MECOM: variants seen among roughly 807,000 people sequenced by gnomAD.
MECOM encodes histone-lysine N-methyltransferase MECOM.
MECOM carries 13 observed loss-of-function variants against 116.3 expected under a neutral mutation model. The observed-to-expected ratio is 0.11, with a 90% confidence interval of 0.07 to 0.18. The LOEUF is 0.18. Ranked by LOEUF, MECOM falls within the 10% of genes least tolerant of loss-of-function variation. The probability of loss-of-function intolerance (pLI) is 1.00; values close to 1 mark genes in which losing one functional copy is unlikely to be tolerated. For synonymous variants in MECOM, 528 were observed against 535.2 expected (o/e 0.99, Z 0.19); for missense variants, 1,299 against 1,509.0 (o/e 0.86, Z 2.31).
chr3:169,110,364 C>T (rs1353964205), intron 9 of MECOM, among the ~76,000 whole-genome samples: 2 of 152,170 alleles, frequency 1.3e-5, no homozygotes, highest in South Asian at 4.1e-4. Flanking sequence ...GGTCCTTCCA[C>T]ATGCCAAGCA....
intron 1 of MECOM, among the ~76,000 whole-genome samples, chr3:169,474,312 A>T (rs1750010186): frequency 6.6e-6 from 1 of 152,164 alleles, no homozygotes; most frequent in South Asian, 2.1e-4. Context: ...TTCCAGCCTA[A>T]TGCTCCATAC....
intron 1 of MECOM, among the ~76,000 whole-genome samples, chr3:169,487,169 T>G (rs1752482030): frequency 6.6e-6 from 1 of 152,100 alleles, no homozygotes; most frequent in Non-Finnish European, 1.5e-5. Context: ...AAAACATTAC[T>G]AAAATTAATC....
intron 1 of MECOM, among the ~76,000 whole-genome samples, chr3:169,542,006 T>G (rs1412753430): frequency 6.6e-6 from 1 of 152,196 alleles, no homozygotes; most frequent in African/African-American, 2.4e-5. Context: ...CTTGTATTAC[T>G]AGAAGGATTA....
At chr3:169,086,205 C>T (rs903105970) in intron 16 of MECOM, among the ~76,000 whole-genome samples, 4 of 152,176 alleles carry the variant, frequency 2.6e-5, no homozygotes, top group Non-Finnish European at 5.9e-5. Context: ...TGGACTTCTA[C>T]AATATCTCAT....
At chr3:169,085,689 CAAACA>C (rs1717475824) in intron 16 of MECOM, among the ~76,000 whole-genome samples, 1 of 152,090 alleles carries the variant, frequency 6.6e-6, no homozygotes, top group Admixed American at 6.6e-5. Flanking sequence ...AAAATAAAAC[CAAACA>C]CAAGACCCAA....
intron 5 of MECOM, among the ~76,000 whole-genome samples, chr3:169,124,743 A>G (rs532281110): frequency 4.6e-5 from 7 of 152,240 alleles, no homozygotes; most frequent in Non-Finnish European, 5.9e-5. Context: ...AACATATGGG[A>G]TTTTAAAAAT....
chr3:169,100,103 T>C (rs1343489615), intron 12 of MECOM, among the ~76,000 whole-genome samples: 11 of 139,682 alleles, frequency 7.9e-5, no homozygotes, highest in Admixed American at 4.2e-4. Flanking sequence ...CTTTCTTTCT[T>C]TTTTTTTTTT....
intron 2 of MECOM, among the ~76,000 whole-genome samples, chr3:169,180,727 A>G (rs1051679829): frequency 2.7e-5 from 4 of 147,164 alleles, no homozygotes; most frequent in Non-Finnish European, 6.0e-5. Flanking sequence ...GTATATCTCA[A>G]AAAGGGAAGG....
intron 1 of MECOM, among the ~76,000 whole-genome samples, chr3:169,540,538 A>T (rs1458027085): frequency 1.3e-5 from 2 of 152,152 alleles, no homozygotes; most frequent in African/African-American, 4.8e-5. Context: ...CTTTAAAATA[A>T]AGCCCACATT....
At chr3:169,628,186 A>G (rs1053355586) in intron 1 of MECOM, among the ~76,000 whole-genome samples, 2 of 152,208 alleles carry the variant, frequency 1.3e-5, no homozygotes, top group South Asian at 2.1e-4. Flanking sequence ...TTCAGCTCCA[A>G]CTGCTGGTTT....
intron 1 of MECOM, among the ~76,000 whole-genome samples, chr3:169,646,156 G>A (rs1774151725): frequency 6.6e-6 from 1 of 152,006 alleles, no homozygotes; most frequent in Non-Finnish European, 1.5e-5. Flanking sequence ...TGGACATTTG[G>A]GTTGGTTCCA....
chr3:169,286,267 C>T (rs1713298383), intron 2 of MECOM, among the ~76,000 whole-genome samples: 2 of 152,126 alleles, frequency 1.3e-5, no homozygotes, highest in South Asian at 4.1e-4. Context: ...AGTAGGGCTG[C>T]CTGGATGAGG....
intron 2 of MECOM, among the ~76,000 whole-genome samples, chr3:169,293,604 C>A (rs1280007187): frequency 5.3e-5 from 8 of 152,324 alleles, no homozygotes; most frequent in Non-Finnish European, 1.5e-5. Flanking sequence ...CTGTGTGCTA[C>A]AATTCCCCCT....
At chr3:169,103,426 C>T (rs1338271094) in intron 10 of MECOM, among the ~76,000 whole-genome samples, 1 of 152,114 alleles carries the variant, frequency 6.6e-6, no homozygotes, top group Non-Finnish European at 1.5e-5. Context: ...CCTGTTAAAT[C>T]AACTCACCCA....
intron 2 of MECOM, among the ~76,000 whole-genome samples, chr3:169,330,605 G>A (rs1234619147): frequency 6.6e-6 from 1 of 151,880 alleles, no homozygotes; most frequent in Admixed American, 6.6e-5. Flanking sequence ...TCCAACATCC[G>A]ATTCTGTGGA....
At chr3:169,196,854 C>T (rs1015749600) in intron 2 of MECOM, among the ~76,000 whole-genome samples, 12 of 151,950 alleles carry the variant, frequency 7.9e-5, no homozygotes, top group East Asian at 5.8e-4. Flanking sequence ...CATAAAGACC[C>T]ATGCACTTGT....
At chr3:169,172,109 T>C (rs984251065) in intron 2 of MECOM, among the ~76,000 whole-genome samples, 1 of 150,654 alleles carries the variant, frequency 6.6e-6, no homozygotes, top group Non-Finnish European at 1.5e-5. Context: ...AAATTTTTAC[T>C]AAGAGTGATA....
chr3:169,425,589 T>C (rs1170506384), intron 1 of MECOM, among the ~76,000 whole-genome samples: 2 of 152,194 alleles, frequency 1.3e-5, no homozygotes, highest in Admixed American at 6.5e-5. Flanking sequence ...CTATGAGGTA[T>C]GTCCGACCAC....
chr3:169,271,541 T>C (rs1294600344), intron 2 of MECOM, among the ~76,000 whole-genome samples: 1 of 152,128 alleles, frequency 6.6e-6, no homozygotes, highest in Non-Finnish European at 1.5e-5. Flanking sequence ...TTCTCACTCA[T>C]AGGTGGGAGC....
Sources: allele counts gnomAD v4.1 joint callset (sites outside exome capture counted in the v4.1 genomes callset), GRCh38; gene constraint gnomAD v4.1.1; transcripts MANE v1.5; gene names NCBI Gene and HGNC (gene_info 2026-07-23, HGNC 2026-07-21).